STAG1: variants seen among roughly 807,000 people sequenced by gnomAD.
The protein encoded by STAG1 is cohesin subunit SA-1.
Under a neutral mutation model 170.9 loss-of-function variants are expected in STAG1, and 26 were observed. The observed-to-expected ratio is 0.15, with a 90% CI of 0.11 to 0.21. The LOEUF (loss-of-function observed/expected upper bound fraction) is 0.21, where lower values mean the gene tolerates loss of function less well. Among genes scored for constraint, STAG1 ranks in the 10% least tolerant of loss-of-function variants. The pLI is 1.00. For missense variants in STAG1, 964 were observed against 1,509.5 expected (o/e 0.64, Z 5.99); for synonymous variants, 514 against 497.7 (o/e 1.03, Z -0.44).
intron 1 of STAG1, among the ~76,000 whole-genome samples, chr3:136,736,192 A>C (rs1458997424): frequency 6.6e-6 from 1 of 152,232 alleles, no homozygotes; most frequent in Non-Finnish European, 1.5e-5. Context: ...TAACCATCAC[A>C]ATTCAGTGAA....
intron 16 of STAG1, among the ~76,000 whole-genome samples, chr3:136,423,298 G>C (rs2088013815): frequency 6.6e-6 from 1 of 152,024 alleles, no homozygotes; most frequent in Admixed American, 6.6e-5. Flanking sequence ...TAAAACCATA[G>C]TTACCATTAT....
At chr3:136,629,942 T>C (rs1167522756) in intron 2 of STAG1, among the ~76,000 whole-genome samples, 2 of 152,060 alleles carry the variant, frequency 1.3e-5, no homozygotes, top group Non-Finnish European at 2.9e-5. Flanking sequence ...ATGCATGTAA[T>C]CCCGGCACTT....
intron 1 of STAG1, among the ~76,000 whole-genome samples, chr3:136,747,272 A>C (rs76095311): frequency 0.013 from 1,725 of 136,986 alleles, 19 homozygotes; most frequent in African/African-American, 0.044. Flanking sequence ...GACTCGTCCC[A>C]AAAAAAAAAA....
chr3:136,383,972 A>AAGAAAC (rs1314431359), intron 22 of STAG1, among the ~76,000 whole-genome samples: 3 of 147,298 alleles, frequency 2.0e-5, no homozygotes, highest in Admixed American at 7.0e-5. Flanking sequence ...AAAAAAAAAA[A>AAGAAAC]AGAAACAGAA....
intron 13 of STAG1, among the ~76,000 whole-genome samples, chr3:136,458,044 T>A (rs1281751202): frequency 6.6e-6 from 1 of 152,098 alleles, no homozygotes; most frequent in Non-Finnish European, 1.5e-5. Flanking sequence ...AGCCAAAACA[T>A]GGGAGGGGAG....
chr3:136,464,497 T>C (rs1432934444), intron 13 of STAG1, among the ~76,000 whole-genome samples: 2 of 152,112 alleles, frequency 1.3e-5, no homozygotes, highest in Non-Finnish European at 2.9e-5. Flanking sequence ...GAAGGCATTT[T>C]AAAGGTGATA....
chr3:136,750,637 T>A (rs1935179273), intron 1 of STAG1, among the ~76,000 whole-genome samples: 2 of 152,208 alleles, frequency 1.3e-5, no homozygotes, highest in Non-Finnish European at 2.9e-5. Context: ...CACTGGTAGA[T>A]CACTTGAATT....
intron 8 of STAG1, among the ~76,000 whole-genome samples, 168 bp downstream of exon 8, chr3:136,502,460 C>G (rs1025153314): frequency 8.5e-5 from 13 of 152,198 alleles, no homozygotes; most frequent in Non-Finnish European, 1.3e-4. Context: ...TCAGACGGCA[C>G]TTACATGATC....
In STAG1 at chr3:136,368,730, T is replaced by C. The variant is rs1404790790; in HGVS notation, c.2545+378A>G. Among the ~76,000 whole-genome samples the C allele has an allele frequency of 2.0e-5, 3 of 152,304 alleles. 1 individual carries two copies. The highest frequency in any genetic ancestry group is 2.0e-4 in the Admixed American group (3 of 15,280). ...TAGCTGTTAGAGAAAGACAGAGCTC[T>C]CTATATAACGACAGGAAAAGATCTG... On this transcript the variant is annotated intron_variant, in intron 24 of 33. Transcript: ENST00000383202.
At chr3:136,673,654 CAG>C (rs774686752) in intron 1 of STAG1, among the ~76,000 whole-genome samples, 5 of 152,082 alleles carry the variant, frequency 3.3e-5, no homozygotes, top group Non-Finnish European at 7.4e-5. Flanking sequence ...TAAAGGGAAA[CAG>C]AAAAATTTTT....
At chr3:136,653,099 C>T (rs112492281) in intron 1 of STAG1, among the ~76,000 whole-genome samples, 1 of 151,860 alleles carries the variant, frequency 6.6e-6, no homozygotes, top group African/African-American at 2.4e-5. Flanking sequence ...ATAGAGAAAC[C>T]CTGTCTCTAC....
intron 5 of STAG1, among the ~76,000 whole-genome samples, chr3:136,554,782 C>A (rs188412105): frequency 5.3e-4 from 80 of 152,122 alleles, no homozygotes; most frequent in Non-Finnish European, 9.9e-4. Context: ...GTGGTCCCAG[C>A]TACTTGGGAA....
rs536903298 is a variant in STAG1 at position 136,472,347 on chromosome 3, T to C, written c.1205+66A>G. 2,618 of 1,182,050 alleles carry C rather than the reference T, an allele frequency of 2.2e-3. 73 individuals are homozygous for C. In the South Asian group the frequency reaches 0.033, roughly 15 times the overall value. The allele number at this position is 1,182,050 out of a possible 1,614,324, so 73.2% of individuals were successfully genotyped here. On this transcript the variant is annotated intron_variant, in intron 12 of 33. Coordinates refer to ENST00000383202, the MANE Select transcript of STAG1 (RefSeq NM_005862.3). ...ATAAGGACTATATATAGATAGGACA[T>C]TAAAAATCCTGGGGAAAAGGTATTA...
At chr3:136,377,878 A>T in intron 22 of STAG1, 126 bp from the exon 23 acceptor site, 2 of 723,372 alleles carry the variant, frequency 2.8e-6, no homozygotes, top group Non-Finnish European at 4.7e-6. Context: ...ACCAAATTTA[A>T]TGTTGGGAAC....
At chr3:136,429,860 A>G (rs2088241813) in intron 16 of STAG1, among the ~76,000 whole-genome samples, 1 of 152,112 alleles carries the variant, frequency 6.6e-6, no homozygotes, top group Non-Finnish European at 1.5e-5. Context: ...AATAGTAAAT[A>G]TATTTTCTCT....
chr3:136,727,164 A>G (rs199702479), intron 1 of STAG1, among the ~76,000 whole-genome samples: 2 of 127,814 alleles, frequency 1.6e-5, no homozygotes, highest in African/African-American at 1.1e-4. Flanking sequence ...TCTCTCATGT[A>G]AGAATAAATA....
At chr3:136,553,189 C>T (rs184971535) in intron 5 of STAG1, among the ~76,000 whole-genome samples, 84 of 152,106 alleles carry the variant, frequency 5.5e-4, no homozygotes, top group Middle Eastern at 6.8e-3. Flanking sequence ...TGAAATAAGG[C>T]TTAAGGGATT....
chr3:136,666,434 A>G (rs533385627), intron 1 of STAG1, among the ~76,000 whole-genome samples: 26 of 152,224 alleles, frequency 1.7e-4, no homozygotes, highest in Non-Finnish European at 3.2e-4. Flanking sequence ...TAAGAACTGT[A>G]TAAGAACTCA....
At chr3:136,545,049 T>C (rs1441205274) in intron 5 of STAG1, among the ~76,000 whole-genome samples, 1 of 152,140 alleles carries the variant, frequency 6.6e-6, no homozygotes, top group Non-Finnish European at 1.5e-5. Context: ...CTTTTTATTT[T>C]TTTATTTCTT....
Sources: allele counts gnomAD v4.1 joint callset (sites outside exome capture counted in the v4.1 genomes callset), GRCh38; gene constraint gnomAD v4.1.1; transcripts MANE v1.5; gene names NCBI Gene and HGNC (gene_info 2026-07-23, HGNC 2026-07-21).